Variants in PIP5K1B observed in about 807,000 individuals in gnomAD.
The protein encoded by PIP5K1B is phosphatidylinositol 4-phosphate 5-kinase type-1 beta.
Under a neutral mutation model 67.0 loss-of-function variants are expected in PIP5K1B, and 42 were observed. The observed-to-expected ratio is 0.63, with a 90% CI of 0.49 to 0.81. The LOEUF (loss-of-function observed/expected upper bound fraction) is 0.81, where lower values mean the gene tolerates loss of function less well. Ranked by LOEUF, PIP5K1B falls within the 30% of genes least tolerant of loss-of-function variation. PIP5K1B has a pLI of 0.00. For synonymous variants in PIP5K1B, 214 were observed against 231.4 expected (o/e 0.92, Z 0.68); for missense variants, 459 against 646.3 (o/e 0.71, Z 3.14).
chr9:68,723,694 G>GTTTTTTTTT (rs1224332057), intron 1 of PIP5K1B, among the ~76,000 whole-genome samples: 8 of 36,694 alleles, frequency 2.2e-4, no homozygotes, highest in Admixed American at 2.1e-3. Context: ...TGAAGTATTT[G>GTTTTTTTTT]GTTTTTTTTT....
At chr9:68,863,404 TACAC>T (rs1030024068) in intron 4 of PIP5K1B, among the ~76,000 whole-genome samples, 5 of 151,988 alleles carry the variant, frequency 3.3e-5, no homozygotes, top group Non-Finnish European at 5.9e-5. Flanking sequence ...TGTATACTCA[TACAC>T]ACACACATAC....
chr9:68,718,024 T>C (rs1381457174), intron 1 of PIP5K1B, among the ~76,000 whole-genome samples: 2 of 152,130 alleles, frequency 1.3e-5, no homozygotes, highest in Admixed American at 1.3e-4. Flanking sequence ...CAATCTGCCA[T>C]CCCCCTGGCA....
chr9:68,916,288 A>G (rs1564230151), intron 8 of PIP5K1B, among the ~76,000 whole-genome samples: 1 of 152,124 alleles, frequency 6.6e-6, no homozygotes, highest in Non-Finnish European at 1.5e-5. Flanking sequence ...GAAAACACCC[A>G]GTTTGCAGGC....
At chr9:68,963,965 A>G (rs1415468542) in intron 14 of PIP5K1B, 1 of 152,088 alleles carries the variant, frequency 6.6e-6, no homozygotes, top group East Asian at 1.9e-4. Context: ...TATATCTCCT[A>G]TTTCTAAGCT....
intron 11 of PIP5K1B, among the ~76,000 whole-genome samples, chr9:68,922,115 A>G (rs972344384): frequency 1.3e-5 from 2 of 152,178 alleles, no homozygotes; most frequent in African/African-American, 4.8e-5. Context: ...CCTTGTTGGA[A>G]GAATGTGTCC....
chr9:68,989,439 C>T (rs1258167904), intron 14 of PIP5K1B, among the ~76,000 whole-genome samples: 1 of 152,144 alleles, frequency 6.6e-6, no homozygotes, highest in Non-Finnish European at 1.5e-5. Context: ...GCCCTCAGCT[C>T]TACCACCCAG....
intron 2 of PIP5K1B, among the ~76,000 whole-genome samples, chr9:68,772,755 C>T (rs1021001967): frequency 8.6e-5 from 13 of 152,006 alleles, no homozygotes; most frequent in Non-Finnish European, 1.5e-4. Flanking sequence ...ACTATTTAGC[C>T]TTAGGGAAGA....
chr9:68,779,269 C>G (rs945074357), intron 2 of PIP5K1B, among the ~76,000 whole-genome samples: 1 of 152,182 alleles, frequency 6.6e-6, no homozygotes, highest in Non-Finnish European at 1.5e-5. Flanking sequence ...TTTAATCCTT[C>G]ATACTTCACA....
chr9:68,880,333 A>G (rs943852636), intron 6 of PIP5K1B, among the ~76,000 whole-genome samples: 1 of 152,154 alleles, frequency 6.6e-6, no homozygotes, highest in Admixed American at 6.5e-5. Flanking sequence ...TGGGTGGATC[A>G]CCTGAGGTCA....
In PIP5K1B at chr9:68,918,087, A is replaced by ATTTTTTTTTTTT. The variant is rs200797718; in HGVS notation, c.983+331_983+332insTTTTTTTTTTTT. Among the ~76,000 whole-genome samples the ATTTTTTTTTTTT allele has an allele frequency of 4.5e-5, 6 of 133,018 alleles. 3 individuals carry two copies. The highest frequency in any genetic ancestry group is 3.3e-5 in the Non-Finnish European group (2 of 60,248). The allele number at this position is 133,018 out of a possible 152,430, so 87.3% of individuals were successfully genotyped here. A position where few individuals can be genotyped will look rare whatever the true frequency, so the allele number is the denominator to read the frequency against. ...TTTGAATAAACATGTTTTATTGTTT[A>ATTTTTTTTTTTT]TTTATTTATTTTTTTTTTTTGAGAC... is the stretch of plus-strand genomic sequence containing the variant. On this transcript the variant is annotated intron_variant, in intron 9 of 15. Coordinates refer to ENST00000265382, the MANE Select transcript of PIP5K1B (RefSeq NM_003558.4).
At chr9:68,992,035 G>A (rs374164870) in intron 15 of PIP5K1B, among the ~76,000 whole-genome samples, 7 of 152,030 alleles carry the variant, frequency 4.6e-5, no homozygotes, top group African/African-American at 1.4e-4. Context: ...GTGCGATCTC[G>A]GCTCACCGCA....
At chr9:68,863,740 G>A (rs1030784394) in intron 4 of PIP5K1B, 97 bp from the exon 5 acceptor site, 7 of 1,010,596 alleles carry the variant, frequency 6.9e-6, no homozygotes, top group Non-Finnish European at 9.9e-6. Flanking sequence ...TTTGGAGCAA[G>A]AAAGAGAATT....
chr9:68,749,925 C>G (rs535856424), intron 2 of PIP5K1B, among the ~76,000 whole-genome samples: 11 of 152,322 alleles, frequency 7.2e-5, no homozygotes, highest in Admixed American at 2.6e-4. Context: ...ACAGCTTAAT[C>G]CCAGCTCCAT....
intron 13 of PIP5K1B, among the ~76,000 whole-genome samples, chr9:68,937,668 G>T (rs543230299): frequency 1.3e-5 from 2 of 152,190 alleles, no homozygotes; most frequent in South Asian, 2.1e-4. Context: ...GTTTGCTGTT[G>T]CTTCTCTAGT....
chr9:68,844,705 G>A (rs543951469), intron 4 of PIP5K1B, among the ~76,000 whole-genome samples: 102 of 152,128 alleles, frequency 6.7e-4, no homozygotes, highest in Non-Finnish European at 1.3e-3. Flanking sequence ...ATTTAATAAC[G>A]CTCTCTCAGA....
intron 15 of PIP5K1B, among the ~76,000 whole-genome samples, chr9:69,007,717 C>T (rs1231295037): frequency 1.3e-5 from 2 of 152,024 alleles, no homozygotes; most frequent in Admixed American, 6.6e-5. Context: ...ATTAGCCAGG[C>T]GTGATGGCAG....
At chr9:68,905,788 A>C (rs1295236644) in intron 8 of PIP5K1B, among the ~76,000 whole-genome samples, 1 of 152,162 alleles carries the variant, frequency 6.6e-6, no homozygotes, top group Admixed American at 6.5e-5. Flanking sequence ...GTGCTGTAGG[A>C]CCAGGGCCTG....
chr9:68,735,316 C>CTGTTTTTTTTTTTTT (rs1828673824), intron 1 of PIP5K1B, among the ~76,000 whole-genome samples: 1 of 29,768 alleles, frequency 3.4e-5, no homozygotes, highest in Non-Finnish European at 6.1e-5. Context: ...CCCCTAGTGT[C>CTGTTTTTTTTTTTTT]TTTTTTTTTT....
intron 14 of PIP5K1B, among the ~76,000 whole-genome samples, chr9:68,957,814 G>A (rs1050597149): frequency 6.6e-6 from 1 of 152,116 alleles, no homozygotes. Flanking sequence ...CTGCTTCAGG[G>A]AAGAAGGGTG....
Sources: gnomAD v4.1 joint callset for allele counts (sites outside exome capture counted in the v4.1 genomes callset) on GRCh38, gnomAD v4.1.1 for gene constraint, MANE v1.5 for transcripts, NCBI Gene and HGNC (gene_info 2026-07-23, HGNC 2026-07-21) for gene names.